The following EPS8 variants were observed in gnomAD, a reference collection of about 807,000 sequenced individuals.
The protein encoded by EPS8 is EGFR pathway substrate 8, signaling adaptor.
EPS8 carries 42 observed loss-of-function variants against 103.8 expected under a neutral mutation model. The observed-to-expected ratio is 0.40, with a 90% CI of 0.32 to 0.52. EPS8 has a LOEUF of 0.52. EPS8 is among the 20% of genes least tolerant of loss of function. The pLI, the probability that EPS8 is intolerant of heterozygous loss-of-function variation, is 0.40. For synonymous variants in EPS8, 344 were observed against 344.6 expected, an observed-to-expected ratio of 1.00 and a Z score of 0.02; for missense variants, 969 against 1,005.1, an observed-to-expected ratio of 0.96 and a Z score of 0.49.
At chr12:15,699,409 T>A (rs919185615) in intron 1 of EPS8, among the ~76,000 whole-genome samples, 18 of 152,222 alleles carry the variant, frequency 1.2e-4, no homozygotes, top group African/African-American at 4.3e-4. Flanking sequence ...ATGATTGTTA[T>A]GAGGATTATA....
intron 8 of EPS8, chr12:15,662,381 G>A: frequency 2.6e-6 from 3 of 1,148,712 alleles, no homozygotes; most frequent in Non-Finnish European, 3.2e-6. Flanking sequence ...TCAGCTACCT[G>A]TAGAACCAAC....
chr12:15,646,956 T>C (rs1045370188), intron 15 of EPS8, among the ~76,000 whole-genome samples, 171 bp downstream of exon 15: 4 of 152,228 alleles, frequency 2.6e-5, no homozygotes, highest in African/African-American at 9.6e-5. Flanking sequence ...GGTCCAGACA[T>C]CTTTTGTTGA....
chr12:15,639,382 G>A (rs549570044), intron 17 of EPS8, among the ~76,000 whole-genome samples: 1 of 152,156 alleles, frequency 6.6e-6, no homozygotes, highest in East Asian at 1.9e-4. Flanking sequence ...TAAAAACTAA[G>A]AAAATTCACT....
chr12:15,676,137 G>T (rs1945902069), intron 3 of EPS8, among the ~76,000 whole-genome samples: 1 of 151,780 alleles, frequency 6.6e-6, no homozygotes, highest in African/African-American at 2.4e-5. Context: ...GCCAGGCGTG[G>T]TGGCGGGCGC....
chr12:15,707,636 C>G (rs1433457484), intron 1 of EPS8, among the ~76,000 whole-genome samples: 1 of 151,966 alleles, frequency 6.6e-6, no homozygotes, highest in East Asian at 1.9e-4. Context: ...CTTGCTCTTC[C>G]CTCTGATTTC....
At position 15,728,599 on chromosome 12, in the gene EPS8, T is replaced by C. The variant is rs1415270662; in HGVS notation, c.-21-45627A>G. Among the ~76,000 whole-genome samples the C allele has an allele frequency of 6.6e-6, 1 of 152,238 alleles. No homozygotes were observed. Among genetic ancestry groups the C allele is most frequent in the African/African-American group, 2.4e-5 (1 of 41,468 alleles). On this transcript the variant is annotated intron_variant, in intron 1 of 20. Coordinates refer to ENST00000281172, the MANE Select transcript of EPS8 (RefSeq NM_004447.6). This position sits in a 1 kb window ranked among gnomAD's most constrained non-coding sequence, Gnocchi z 4.5. ...CCACCATATTTATGTGAGGATAGCA[T>C]ATATCTTTTACATGAAAATACAAGG...
rs763690106 is a variant in EPS8 at position 15,714,095 on chromosome 12, C to G, written c.-21-31123G>C. 5.9e-5 allele frequency among the ~76,000 whole-genome samples: 9 copies of G among 151,658 alleles called. No homozygotes were observed. Among genetic ancestry groups the G allele is most frequent in the Admixed American group, 1.3e-4 (2 of 15,246 alleles). ...GTAGAAAAACCAAACCAAAACAAAACAAAACAAAAAACAATCCCCAATGAA... is the reference window on the plus strand; with the variant it reads ...GTAGAAAAACCAAACCAAAACAAAAGAAAACAAAAAACAATCCCCAATGAA... On this transcript the variant is annotated intron_variant, in intron 1 of 20. Coordinates refer to ENST00000281172, the MANE Select transcript of EPS8 (RefSeq NM_004447.6). The surrounding 1 kb of genome is among the most constrained non-coding windows in gnomAD (Gnocchi z 4.1).
At chr12:15,768,494 C>A (rs1183791975) in intron 1 of EPS8, among the ~76,000 whole-genome samples, 3 of 129,988 alleles carry the variant, frequency 2.3e-5, no homozygotes, top group East Asian at 2.4e-4. Flanking sequence ...AGTTCCCCAA[C>A]AAATTACCCT....
Position 15,702,916 on chromosome 12 carries a change from C to G in EPS8, c.-21-19944G>C, listed in dbSNP as rs1008096772. 6.6e-6 allele frequency among the ~76,000 whole-genome samples: 1 copy of G among 152,080 alleles called. No individual in the cohort carries two copies. The highest frequency in any genetic ancestry group is 1.9e-4 in the East Asian group (1 of 5,188). ...CTTTAATCCCAGCACTTTGGGAGGC[C>G]GAGGTGGGTGGATCACAAGGTCAGG... On this transcript the variant is annotated intron_variant, in intron 1 of 20. Coordinates refer to ENST00000281172, the MANE Select transcript of EPS8 (RefSeq NM_004447.6). This position sits in a 1 kb window ranked among gnomAD's most constrained non-coding sequence, Gnocchi z 5.1.
chr12:15,686,266 AT>A (rs1324918004), intron 1 of EPS8, among the ~76,000 whole-genome samples: 4 of 152,198 alleles, frequency 2.6e-5, no homozygotes, highest in Non-Finnish European at 5.9e-5. Flanking sequence ...TTTAGAATAT[AT>A]AATACATATA....
chr12:15,667,359 CT>C (rs1467990710), intron 6 of EPS8, among the ~76,000 whole-genome samples: 7 of 151,976 alleles, frequency 4.6e-5, no homozygotes, highest in African/African-American at 1.7e-4. Flanking sequence ...CTGAGGAGTA[CT>C]TGTATAAAAG....
intron 18 of EPS8, among the ~76,000 whole-genome samples, chr12:15,629,506 A>C (rs1374915873): frequency 6.6e-6 from 1 of 152,244 alleles, no homozygotes; most frequent in East Asian, 1.9e-4. Flanking sequence ...TCTCATCTTA[A>C]AACTATGTCT....
chr12:15,749,091 T>C lies in EPS8; in HGVS notation c.-22+40070A>G, dbSNP rs767087423. Among the ~76,000 whole-genome samples, 1 of 152,186 alleles carries C rather than the reference T, an allele frequency of 6.6e-6. No individual in the cohort carries two copies. The highest frequency in any genetic ancestry group is 1.5e-5 in the Non-Finnish European group (1 of 68,028). On this transcript the variant is annotated intron_variant, in intron 1 of 20. Transcript: ENST00000281172. This position sits in a 1 kb window ranked among gnomAD's most constrained non-coding sequence, Gnocchi z 4.0. ...GTTCTTTTGGAAGAGCTAAATGTAA[T>C]ACTGTTGAACTATATTACCTTAATT...
chr12:15,712,880 A>G, intron 1 of EPS8: 3 of 985,322 alleles, frequency 3.0e-6, no homozygotes, highest in Non-Finnish European at 2.4e-6. Context: ...TACTCCTCTA[A>G]GCAATCGTCC....
At chr12:15,649,963 T>C (rs1220290378) in intron 14 of EPS8, among the ~76,000 whole-genome samples, 1 of 152,194 alleles carries the variant, frequency 6.6e-6, no homozygotes, top group Non-Finnish European at 1.5e-5. Flanking sequence ...TCAAACTAGA[T>C]CTCATTCACC....
Position 15,717,808 on chromosome 12 carries a change from G to C in EPS8, c.-21-34836C>G, listed in dbSNP as rs78977461. Among the ~76,000 whole-genome samples, 1,631 of 152,184 alleles carry C rather than the reference G, an allele frequency of 0.011. 41 individuals carry two copies. Among genetic ancestry groups the C allele is most frequent in the African/African-American group, 0.037 (1,545 of 41,528 alleles). ...AAATTATGTAACAGGGAATATAAAT[G>C]AACAAAATGGTAGTTTTGCCTTAAA... On this transcript the variant is annotated intron_variant, in intron 1 of 20. Transcript: ENST00000281172. The surrounding 1 kb of genome is among the most constrained non-coding windows in gnomAD (Gnocchi z 4.3).
Position 15,695,765 on chromosome 12 carries a change from A to C in EPS8, c.-21-12793T>G, listed in dbSNP as rs990154030. ...CGAGGTGGGTGGATCACCTGAGGTC[A>C]GGAGTTTGAGACCAGCCTGGCCAAA... On this transcript the variant is annotated intron_variant, in intron 1 of 20. Coordinates refer to ENST00000281172, the MANE Select transcript of EPS8 (RefSeq NM_004447.6). The surrounding 1 kb of genome is among the most constrained non-coding windows in gnomAD (Gnocchi z 5.0). Among the ~76,000 whole-genome samples, 1 of 152,128 alleles carries C rather than the reference A, an allele frequency of 6.6e-6. No homozygotes were observed. Among genetic ancestry groups the C allele is most frequent in the African/African-American group, 2.4e-5 (1 of 41,444 alleles).
chr12:15,749,380 A>T lies in EPS8; in HGVS notation c.-22+39781T>A, dbSNP rs1375419721. On this transcript the variant is annotated intron_variant, in intron 1 of 20. Coordinates refer to ENST00000281172, the MANE Select transcript of EPS8 (RefSeq NM_004447.6). The surrounding 1 kb of genome is among the most constrained non-coding windows in gnomAD (Gnocchi z 4.0). ...TACCCTGCACAGTATACTCAAGAGC[A>T]GGAATGTCTTGTTCAACATTATTTC... 6.6e-6 allele frequency among the ~76,000 whole-genome samples: 1 copy of T among 152,228 alleles called. No homozygotes were observed. Among genetic ancestry groups the T allele is most frequent in the Non-Finnish European group, 1.5e-5 (1 of 68,042 alleles).
At position 15,654,235 on chromosome 12, in the gene EPS8, T is replaced by C. The variant is rs1223414880; in HGVS notation, c.1160A>G (p.Asn387Ser). 1 of 1,613,630 alleles carries C rather than the reference T, an allele frequency of 6.2e-7. No individual in the cohort carries two copies. The highest frequency in any genetic ancestry group is 1.1e-5 in the South Asian group (1 of 91,076). ...ATTTAAGAAATCAATTGTGTCCTTA[T>C]TCAATAGGGGACTAAGTACTGAACT... ...LASSVLSPLL[N>S]KDTIDFLNYT... The change falls in exon 13 of 21, where the codon AAT becomes AGT. Residue 387 changes from asparagine (N) to serine (S), a missense_variant. Coordinates refer to ENST00000281172, the MANE Select transcript of EPS8 (RefSeq NM_004447.6).
Sources: gnomAD v4.1 joint callset for allele counts (sites outside exome capture counted in the v4.1 genomes callset) on GRCh38, gnomAD v4.1.1 for gene constraint, Gnocchi (gnomAD v3.1) non-coding constraint, MANE v1.5 for transcripts, NCBI Gene and HGNC (gene_info 2026-07-23, HGNC 2026-07-21) for gene names.